LPGAT1: variants seen among roughly 807,000 people sequenced by gnomAD.
LPGAT1 encodes acyl-CoA:lysophosphatidylglycerol acyltransferase 1.
In LPGAT1, 11 loss-of-function variants were observed where a neutral mutation model predicts 47.5. That is an observed-to-expected ratio of 0.23 (90% confidence interval 0.15 to 0.38). The LOEUF (loss-of-function observed/expected upper bound fraction) is 0.38. Ranked by LOEUF, LPGAT1 falls within the 10% of genes least tolerant of loss-of-function variation. The probability of loss-of-function intolerance (pLI) is 1.00; values close to 1 mark genes in which losing one functional copy is unlikely to be tolerated. For missense variants in LPGAT1, 293 were observed against 439.0 expected, an observed-to-expected ratio of 0.67 and a Z score of 2.97; for synonymous variants, 138 against 144.2, an observed-to-expected ratio of 0.96 and a Z score of 0.31.
chr1:211,754,374 T>G (rs1356437448), intron 6 of LPGAT1, among the ~76,000 whole-genome samples: 3 of 152,030 alleles, frequency 2.0e-5, no homozygotes, highest in Non-Finnish European at 4.4e-5. Context: ...TGGCTTGGGG[T>G]TCTGTTATGT....
chr1:211,776,092 T>C (rs929040670), intron 6 of LPGAT1, among the ~76,000 whole-genome samples: 1 of 152,016 alleles, frequency 6.6e-6, no homozygotes, highest in African/African-American at 2.4e-5. Flanking sequence ...AGGCTTCTCA[T>C]GCTTGTCAGC....
intron 2 of LPGAT1, among the ~76,000 whole-genome samples, chr1:211,794,554 C>T (rs1299753085): frequency 6.6e-6 from 1 of 152,322 alleles, no homozygotes; most frequent in Non-Finnish European, 1.5e-5. Flanking sequence ...AATCCACCGG[C>T]TTCAGCCTCT....
rs559276170 is a variant in LPGAT1, at chr1:211,782,290, T to C, written c.727+939A>G. On this transcript the variant is annotated intron_variant, in intron 5 of 7. Transcript: ENST00000366997. ...CAATTTTTTGGCTATTATAAATAAT[T>C]GGCTATTATAAATAATCTGTAATAA... Among the ~76,000 whole-genome samples the C allele has an allele frequency of 2.1e-3, 325 of 152,330 alleles. 8 individuals are homozygous for C. In the South Asian group the frequency reaches 0.066, roughly 31 times the overall value.
intron 6 of LPGAT1, among the ~76,000 whole-genome samples, chr1:211,766,213 C>A (rs1195412836): frequency 6.6e-6 from 1 of 152,146 alleles, no homozygotes; most frequent in Non-Finnish European, 1.5e-5. Flanking sequence ...AACGTTGGCT[C>A]CCTTGGTTCT....
At chr1:211,764,907 G>A (rs1657845296) in intron 6 of LPGAT1, among the ~76,000 whole-genome samples, 1 of 152,130 alleles carries the variant, frequency 6.6e-6, no homozygotes. Flanking sequence ...AAGGATAACT[G>A]AGCCCTCCTC....
intron 2 of LPGAT1, among the ~76,000 whole-genome samples, chr1:211,811,724 A>G (rs1659995635): frequency 6.6e-6 from 1 of 151,942 alleles, no homozygotes; most frequent in South Asian, 2.1e-4. Flanking sequence ...GCCACCCGCC[A>G]CTGCACTCCA....
chr1:211,754,074 C>A (rs926619017), intron 6 of LPGAT1, among the ~76,000 whole-genome samples: 3 of 152,140 alleles, frequency 2.0e-5, no homozygotes, highest in Non-Finnish European at 2.9e-5. Flanking sequence ...CATCACTTCA[C>A]CATGCTGTTT....
At chr1:211,756,689 G>C (rs1186740207) in intron 6 of LPGAT1, among the ~76,000 whole-genome samples, 1 of 152,082 alleles carries the variant, frequency 6.6e-6, no homozygotes, top group East Asian at 1.9e-4. Context: ...CATCCTATAG[G>C]TTAGCATTCG....
At chr1:211,814,045 G>A (rs1571760860) in intron 2 of LPGAT1, among the ~76,000 whole-genome samples, 1 of 152,312 alleles carries the variant, frequency 6.6e-6, no homozygotes, top group East Asian at 1.9e-4. Flanking sequence ...AGAATTGAGT[G>A]AAAATATCCA....
At chr1:211,800,193 A>ATTTTTTT (rs376366429) in intron 2 of LPGAT1, among the ~76,000 whole-genome samples, 9 of 141,870 alleles carry the variant, frequency 6.3e-5, no homozygotes, top group Non-Finnish European at 4.6e-5. Context: ...TGTCCAGCTA[A>ATTTTTTT]TTTTTTTTTT....
rs572019935 is a variant in LPGAT1 at position 211,797,004 on chromosome 1, C to T, written c.239-3814G>A. Among the ~76,000 whole-genome samples, 143 of 152,152 alleles carry T rather than the reference C, an allele frequency of 9.4e-4. 1 individual carries two copies. The highest frequency in any genetic ancestry group is 4.4e-4 in the Non-Finnish European group (30 of 68,002). On this transcript the variant is annotated intron_variant, in intron 2 of 7. Transcript: ENST00000366997. ...GGTGTGGTGGCTCACGTCTATAATC[C>T]CAGCACTTTGGGAGGCCAAGGTGGG...
intron 5 of LPGAT1, among the ~76,000 whole-genome samples, chr1:211,781,061 C>T (rs1658621898): frequency 6.6e-6 from 1 of 152,020 alleles, no homozygotes; most frequent in Non-Finnish European, 1.5e-5. Context: ...TTTGCGTATA[C>T]ATGGCATAAA....
intron 4 of LPGAT1, among the ~76,000 whole-genome samples, chr1:211,787,022 C>CG (rs201035669): frequency 0.084 from 12,702 of 152,100 alleles, 648 homozygotes; most frequent in Admixed American, 0.15. Context: ...ATAATTTGCC[C>CG]AATTCACATA....
intron 2 of LPGAT1, among the ~76,000 whole-genome samples, chr1:211,809,149 G>A (rs12129362): frequency 0.083 from 12,556 of 151,884 alleles, 638 homozygotes; most frequent in Admixed American, 0.15. Flanking sequence ...AGCTTGCAGT[G>A]AGCCAAGACC....
chr1:211,777,029 T>A (rs1196108369), intron 6 of LPGAT1, among the ~76,000 whole-genome samples: 2 of 127,966 alleles, frequency 1.6e-5, no homozygotes, highest in Non-Finnish European at 3.1e-5. Context: ...ATTTAAAAAA[T>A]TTTATTGAAA....
chr1:211,773,212 T>A (rs927056008), intron 6 of LPGAT1, among the ~76,000 whole-genome samples: 1 of 152,194 alleles, frequency 6.6e-6, no homozygotes, highest in African/African-American at 2.4e-5. Context: ...CCTTTTCCCA[T>A]ATCGGTGTCA....
chr1:211,808,874 C>T (rs942155989), intron 2 of LPGAT1, among the ~76,000 whole-genome samples: 16 of 152,124 alleles, frequency 1.1e-4, no homozygotes, highest in African/African-American at 3.9e-4. Flanking sequence ...TACTATCTAA[C>T]AACCTCTCCC....
chr1:211,823,999 T>A (rs1660453506), intron 2 of LPGAT1, among the ~76,000 whole-genome samples: 1 of 151,558 alleles, frequency 6.6e-6, no homozygotes, highest in Admixed American at 6.6e-5. Context: ...ATATTAAACA[T>A]GATGTGATTC....
At chr1:211,790,092 T>A (rs567976957) in intron 3 of LPGAT1, among the ~76,000 whole-genome samples, 15 of 152,266 alleles carry the variant, frequency 9.9e-5, no homozygotes, top group African/African-American at 3.4e-4. Flanking sequence ...CAAAACATCG[T>A]CTAGAGACTT....
Sources: gnomAD v4.1 joint callset for allele counts (sites outside exome capture counted in the v4.1 genomes callset) on GRCh38, gnomAD v4.1.1 for gene constraint, MANE v1.5 for transcripts, NCBI Gene and HGNC (gene_info 2026-07-23, HGNC 2026-07-21) for gene names.